The following CORIN variants were observed in gnomAD, a reference collection of about 807,000 sequenced individuals.
CORIN encodes atrial natriuretic peptide-converting enzyme.
CORIN carries 117 observed loss-of-function variants against 125.3 expected under a neutral mutation model. The observed-to-expected ratio is 0.93, with a 90% CI of 0.80 to 1.09. CORIN has a LOEUF of 1.09. Among genes scored for constraint, CORIN ranks in the 50% least tolerant of loss-of-function variants. The probability of loss-of-function intolerance (pLI) is 0.00; values close to 1 mark genes in which losing one functional copy is unlikely to be tolerated. For missense variants in CORIN, 1,253 were observed against 1,306.7 expected, an observed-to-expected ratio of 0.96 and a Z score of 0.63; for synonymous variants, 450 against 466.4, an observed-to-expected ratio of 0.96 and a Z score of 0.45.
At chr4:47,731,211 T>C (rs1012593710) in intron 5 of CORIN, among the ~76,000 whole-genome samples, 2 of 152,152 alleles carry the variant, frequency 1.3e-5, no homozygotes, top group Non-Finnish European at 2.9e-5. Context: ...CAATATCAGA[T>C]TGGTTTTGTA....
At chr4:47,697,064 G>A (rs963496388) in intron 5 of CORIN, among the ~76,000 whole-genome samples, 7 of 152,234 alleles carry the variant, frequency 4.6e-5, no homozygotes, top group African/African-American at 1.2e-4. Flanking sequence ...GCCTGTCAGC[G>A]CTCCATTCTC....
At chr4:47,830,267 G>T (rs1187802676) in intron 1 of CORIN, among the ~76,000 whole-genome samples, 2 of 151,850 alleles carry the variant, frequency 1.3e-5, no homozygotes, top group African/African-American at 4.8e-5. Context: ...CTCATCGGTT[G>T]AGTACCAGAT....
intron 4 of CORIN, among the ~76,000 whole-genome samples, chr4:47,762,544 C>A (rs1729517344): frequency 6.6e-6 from 1 of 152,040 alleles, no homozygotes. Context: ...TGCTGGATAG[C>A]CTCTGTCTAT....
chr4:47,790,478 C>T (rs536223450), intron 2 of CORIN, among the ~76,000 whole-genome samples: 9 of 152,060 alleles, frequency 5.9e-5, no homozygotes, highest in Non-Finnish European at 1.0e-4. Context: ...CCTTTTAGCC[C>T]GATAAATTCC....
chr4:47,785,732 T>C (rs1417934918), intron 3 of CORIN, among the ~76,000 whole-genome samples: 3 of 151,690 alleles, frequency 2.0e-5, no homozygotes, highest in African/African-American at 7.3e-5. Context: ...ACTAACATGG[T>C]GAAACCCTGT....
At chr4:47,610,633 T>G (rs2109526014) in intron 19 of CORIN, among the ~76,000 whole-genome samples, 1 of 152,334 alleles carries the variant, frequency 6.6e-6, no homozygotes, top group East Asian at 1.9e-4. Flanking sequence ...TCGTTGCAAT[T>G]GCTTTCAATA....
At chr4:47,710,356 A>C (rs1032936373) in intron 5 of CORIN, among the ~76,000 whole-genome samples, 45 of 152,238 alleles carry the variant, frequency 3.0e-4, no homozygotes, top group African/African-American at 1.0e-3. Context: ...ATTTAAATCC[A>C]AAGATTCTAA....
Position 47,657,873 on chromosome 4 carries a change from T to A in CORIN, c.1735+3838A>T, listed in dbSNP as rs376582176. Among the ~76,000 whole-genome samples, 23 of 152,212 alleles carry A rather than the reference T, an allele frequency of 1.5e-4. No homozygotes were observed. The East Asian group carries it at 2.1e-3, about 14-fold the overall frequency. On this transcript the variant is annotated intron_variant, in intron 12 of 21. Coordinates refer to ENST00000273857, the MANE Select transcript of CORIN (RefSeq NM_006587.4). Reference sequence around the variant, plus strand: ...CCCCACCTCCAACACTAGGATTACATCTCAACATGAGATTTGGGTGGGGAA... The same window carrying A: ...CCCCACCTCCAACACTAGGATTACAACTCAACATGAGATTTGGGTGGGGAA...
At chr4:47,739,124 A>T (rs577753770) in intron 5 of CORIN, among the ~76,000 whole-genome samples, 1 of 152,160 alleles carries the variant, frequency 6.6e-6, no homozygotes, top group African/African-American at 2.4e-5. Context: ...TAAAAGAATG[A>T]GTCAGAAAGA....
At chr4:47,673,291 G>A (rs1208246393) in intron 10 of CORIN, among the ~76,000 whole-genome samples, 1 of 151,314 alleles carries the variant, frequency 6.6e-6, no homozygotes, top group Non-Finnish European at 1.5e-5. Flanking sequence ...CAGGAGAATC[G>A]CTTGAACCTG....
chr4:47,752,571 T>C (rs1728950719), intron 4 of CORIN, among the ~76,000 whole-genome samples: 1 of 152,138 alleles, frequency 6.6e-6, no homozygotes, highest in Admixed American at 6.5e-5. Flanking sequence ...AACATTTAAG[T>C]AATGCCCACG....
chr4:47,642,953 G>T, intron 15 of CORIN, 193 bp downstream of exon 15: 1 of 1,535,370 alleles, frequency 6.5e-7, no homozygotes. Flanking sequence ...TTCAAATAGA[G>T]AAGTAGCTTC....
In CORIN at chr4:47,641,940, G is replaced by A. The variant is rs1420094720; in HGVS notation, c.2178C>T (p.Ala726=). ...DGWQEILSQL[A]CKQMGLGEPS... ...CTTACCCTAAACCCATCTGCTTGCA[G>A]GCCAGCTGACTCAATATCTCCTGCC... Residue 726 remains alanine (A), a synonymous_variant, in exon 16 of 22, where the codon GCC becomes GCT. Transcript: ENST00000273857. The A allele has an allele frequency of 1.9e-6, 3 of 1,613,442 alleles. No homozygotes were observed. In the East Asian group the frequency reaches 6.7e-5, roughly 36 times the overall value.
intron 5 of CORIN, among the ~76,000 whole-genome samples, chr4:47,732,345 T>C (rs1727913887): frequency 6.6e-6 from 1 of 152,156 alleles, no homozygotes; most frequent in African/African-American, 2.4e-5. Flanking sequence ...GCCAAGTTTA[T>C]ACTCCCTCCT....
At chr4:47,635,523 T>C (rs1402066503) in intron 16 of CORIN, among the ~76,000 whole-genome samples, 1 of 152,220 alleles carries the variant, frequency 6.6e-6, no homozygotes, top group African/African-American at 2.4e-5. Flanking sequence ...AAATGTTTTA[T>C]GCTTGAAATG....
chr4:47,611,604 G>T (rs1721873098), intron 19 of CORIN, among the ~76,000 whole-genome samples: 2 of 152,078 alleles, frequency 1.3e-5, no homozygotes, highest in South Asian at 2.1e-4. Flanking sequence ...TTGGCTGATT[G>T]CCCTGGACAA....
intron 2 of CORIN, among the ~76,000 whole-genome samples, chr4:47,792,160 T>G (rs75699469): frequency 4.6e-5 from 7 of 152,158 alleles, no homozygotes; most frequent in African/African-American, 1.7e-4. Context: ...AGTGAAACAT[T>G]TTCTAGATAA....
intron 5 of CORIN, among the ~76,000 whole-genome samples, chr4:47,723,226 GC>G (rs1194252873): frequency 6.6e-6 from 1 of 152,178 alleles, no homozygotes; most frequent in Non-Finnish European, 1.5e-5. Context: ...TAAAACTAGA[GC>G]TTTTTTGACA....
intron 2 of CORIN, among the ~76,000 whole-genome samples, chr4:47,805,525 T>C (rs909895839): frequency 2.0e-5 from 3 of 152,128 alleles, no homozygotes; most frequent in Non-Finnish European, 2.9e-5. Flanking sequence ...CCCGAACTGG[T>C]CTCCCTCTGC....
Sources: allele counts gnomAD v4.1 joint callset (sites outside exome capture counted in the v4.1 genomes callset), GRCh38; gene constraint gnomAD v4.1.1; transcripts MANE v1.5; gene names NCBI Gene and HGNC (gene_info 2026-07-23, HGNC 2026-07-21).